The following INSYN2B variants were observed in gnomAD, a reference collection of about 807,000 sequenced individuals.
INSYN2B encodes inhibitory synaptic factor family member 2B.
INSYN2B carries 16 observed loss-of-function variants against 41.2 expected under a neutral mutation model. That is an observed-to-expected ratio of 0.39 (90% confidence interval 0.26 to 0.59). The LOEUF (loss-of-function observed/expected upper bound fraction) is 0.59, where lower values mean the gene tolerates loss of function less well. INSYN2B is among the 20% of genes least tolerant of loss of function. INSYN2B has a pLI of 0.57. For missense variants in INSYN2B, 608 were observed against 646.4 expected (o/e 0.94, Z 0.64); for synonymous variants, 245 against 244.4 (o/e 1.00, Z -0.02).
At chr5:169,896,490 A>G (rs1409912085) in intron 1 of INSYN2B, among the ~76,000 whole-genome samples, 3 of 152,186 alleles carry the variant, frequency 2.0e-5, no homozygotes, top group African/African-American at 7.2e-5. Context: ...TGTGGCTAAT[A>G]ATATTACTTA....
Position 169,864,329 on chromosome 5 carries a change from G to C in INSYN2B, c.1552C>G (p.Gln518Glu), listed in dbSNP as rs1239046716. Reference sequence around the variant, plus strand: ...TTCTTGGTTTTCCGCCTTAAGTCCTGCTTTTCCGGGGCTGGGGGTTCTGCT... The same window carrying C: ...TTCTTGGTTTTCCGCCTTAAGTCCTCCTTTTCCGGGGCTGGGGGTTCTGCT... ...SPAEPPAPEKQDLRRKTKKVK... is the reference protein window; with the variant it reads ...SPAEPPAPEKEDLRRKTKKVK... Residue 518 changes from glutamine (Q) to glutamate (E), a missense_variant, in exon 4 of 4, where the codon CAG becomes GAG. Transcript: ENST00000377365. 6.4e-7 allele frequency: 1 copy of C among 1,551,624 alleles called. No individual in the cohort carries two copies. The highest frequency in any genetic ancestry group is 8.7e-7 in the Non-Finnish European group (1 of 1,146,964).
At chr5:169,896,419 C>T (rs1773611862) in intron 1 of INSYN2B, among the ~76,000 whole-genome samples, 2 of 152,146 alleles carry the variant, frequency 1.3e-5, no homozygotes, top group South Asian at 4.1e-4. Flanking sequence ...CCATTTTCTG[C>T]ATCTTTGTTG....
intron 1 of INSYN2B, among the ~76,000 whole-genome samples, chr5:169,963,400 A>G (rs1029605932): frequency 6.6e-6 from 1 of 152,144 alleles, no homozygotes. Flanking sequence ...CTCCCCATCC[A>G]GAGAGTCATA....
rs531865392 is a variant in INSYN2B, at chr5:169,862,257, G to T, written c.*2016C>A. ...GGGAAATTTAAGCCATTTGCCAAAG[G>T]CTAGTGGTATAGACTGCTTGGTTGC... On this transcript the variant is annotated 3_prime_UTR_variant, in exon 4 of 4. Coordinates refer to ENST00000377365, the MANE Select transcript of INSYN2B (RefSeq NM_001129891.3). 6.6e-6 allele frequency among the ~76,000 whole-genome samples: 1 copy of T among 152,300 alleles called. No homozygotes were observed. The highest frequency in any genetic ancestry group is 1.9e-4 in the East Asian group (1 of 5,184).
chr5:169,887,586 T>C (rs1773044370), intron 1 of INSYN2B, among the ~76,000 whole-genome samples: 1 of 152,250 alleles, frequency 6.6e-6, no homozygotes, highest in Non-Finnish European at 1.5e-5. Context: ...TAGGCTAACA[T>C]GAATTTGTCT....
intron 1 of INSYN2B, among the ~76,000 whole-genome samples, chr5:169,940,671 C>T (rs2113704455): frequency 6.6e-6 from 1 of 152,310 alleles, no homozygotes; most frequent in Non-Finnish European, 1.5e-5. Context: ...GCACAGTTCA[C>T]AATAGGGTTT....
chr5:169,926,139 G>A (rs1325535388), intron 1 of INSYN2B, among the ~76,000 whole-genome samples: 1 of 152,150 alleles, frequency 6.6e-6, no homozygotes, highest in Non-Finnish European at 1.5e-5. Flanking sequence ...AAGCCAGTCA[G>A]GCCAAAGGGA....
intron 3 of INSYN2B, among the ~76,000 whole-genome samples, chr5:169,867,737 G>A (rs1230761751): frequency 6.6e-6 from 1 of 151,946 alleles, no homozygotes; most frequent in Non-Finnish European, 1.5e-5. Context: ...TAACATCACA[G>A]TCTCTTCTTC....
At chr5:169,893,858 G>T (rs1581372631) in intron 1 of INSYN2B, among the ~76,000 whole-genome samples, 1 of 152,282 alleles carries the variant, frequency 6.6e-6, no homozygotes, top group South Asian at 2.1e-4. Flanking sequence ...ATGGAAGAAG[G>T]CAGGAAAATC....
At chr5:169,942,039 C>T (rs1021052393) in intron 1 of INSYN2B, among the ~76,000 whole-genome samples, 1 of 152,188 alleles carries the variant, frequency 6.6e-6, no homozygotes, top group Non-Finnish European at 1.5e-5. Context: ...CTGTCGTTAG[C>T]CTGAACGAAA....
At chr5:169,934,857 A>G (rs1449594798) in intron 1 of INSYN2B, 4 of 379,328 alleles carry the variant, frequency 1.1e-5, no homozygotes, top group Non-Finnish European at 2.1e-5. Flanking sequence ...AAAGCATTAT[A>G]CATTGCCAAA....
At chr5:169,969,309 G>C (rs1348813959) in intron 1 of INSYN2B, among the ~76,000 whole-genome samples, 1 of 152,064 alleles carries the variant, frequency 6.6e-6, no homozygotes, top group Non-Finnish European at 1.5e-5. Context: ...GCTGGGTGTG[G>C]TGTGGGGCAC....
At chr5:169,921,354 T>C (rs1775165154) in intron 1 of INSYN2B, among the ~76,000 whole-genome samples, 1 of 152,202 alleles carries the variant, frequency 6.6e-6, no homozygotes, top group Admixed American at 6.5e-5. Context: ...ATTTACTATG[T>C]TATTGTTCTT....
intron 1 of INSYN2B, among the ~76,000 whole-genome samples, chr5:169,898,836 C>T (rs1030272893): frequency 6.6e-6 from 1 of 152,048 alleles, no homozygotes; most frequent in South Asian, 2.1e-4. Context: ...CAAGATTTGG[C>T]CCGTGGACGG....
At chr5:169,877,422 G>A (rs1272468212) in intron 3 of INSYN2B, among the ~76,000 whole-genome samples, 1 of 152,218 alleles carries the variant, frequency 6.6e-6, no homozygotes, top group Non-Finnish European at 1.5e-5. Flanking sequence ...AGGAATTGGA[G>A]TGAAGGGGTT....
chr5:169,883,704 C>T lies in INSYN2B; in HGVS notation c.195G>A (p.Met65Ile). Residue 65 changes from methionine (M) to isoleucine (I), a missense_variant, in exon 2 of 4, where the codon ATG becomes ATA. Physicochemically the swap from Met to Ile is conservative, Grantham distance 10. Coordinates refer to ENST00000377365, the MANE Select transcript of INSYN2B (RefSeq NM_001129891.3). ...GGTGCCTGGTTGCTTGAGTCTTCCC[C>T]ATCACAGCCGGGTCTTCTGGAGTTT... is the stretch of plus-strand genomic sequence containing the variant. ...DVQTPEDPAVMGKTQATRHHL... is the reference protein window; with the variant it reads ...DVQTPEDPAVIGKTQATRHHL... 6.4e-7 allele frequency: 1 copy of T among 1,551,296 alleles called. No homozygotes were observed.
At chr5:169,926,045 AGTCCATT>A (rs1168331817) in intron 1 of INSYN2B, among the ~76,000 whole-genome samples, 4 of 152,156 alleles carry the variant, frequency 2.6e-5, no homozygotes, top group Non-Finnish European at 5.9e-5. Flanking sequence ...TTAGTCTCTG[AGTCCATT>A]GCTTAGAGCT....
intron 1 of INSYN2B, among the ~76,000 whole-genome samples, chr5:169,950,018 G>A (rs1398591675): frequency 6.6e-6 from 1 of 152,202 alleles, no homozygotes; most frequent in African/African-American, 2.4e-5. Context: ...TTCTGCGTTT[G>A]AGGGGATCAC....
intron 1 of INSYN2B, among the ~76,000 whole-genome samples, chr5:169,932,016 C>G (rs7708088): frequency 1.3e-5 from 2 of 152,230 alleles, no homozygotes; most frequent in African/African-American, 4.8e-5. Context: ...ATAAGCCCAA[C>G]AGAGTCCTGA....
Sources: gnomAD v4.1 joint callset for allele counts (sites outside exome capture counted in the v4.1 genomes callset) on GRCh38, gnomAD v4.1.1 for gene constraint, MANE v1.5 for transcripts, NCBI Gene and HGNC (gene_info 2026-07-23, HGNC 2026-07-21) for gene names.